The following GNL1 variants were observed in gnomAD, a reference collection of about 807,000 sequenced individuals.
GNL1 encodes guanine nucleotide-binding protein-like 1.
A neutral mutation model predicts 75.2 loss-of-function variants in GNL1; 21 were observed. The observed-to-expected ratio is 0.28, with a 90% CI of 0.20 to 0.40. The LOEUF is 0.40. Among genes scored for constraint, GNL1 ranks in the 10% least tolerant of loss-of-function variants. The pLI, the probability that GNL1 is intolerant of heterozygous loss-of-function variation, is 1.00. For missense variants in GNL1, 579 were observed against 775.0 expected (o/e 0.75, Z 3.00); for synonymous variants, 287 against 303.4 (o/e 0.95, Z 0.56).
chr6:30,550,951 C>CG (rs1339413291), intron 8 of GNL1, among the ~76,000 whole-genome samples: 1 of 152,192 alleles, frequency 6.6e-6, no homozygotes, highest in Non-Finnish European at 1.5e-5. Context: ...CTCAGTCACT[C>CG]TCTATCCCCT....
chr6:30,546,838 T>C lies in GNL1; in HGVS notation c.1442-2A>G. 6.3e-7 allele frequency: 1 copy of C among 1,585,178 alleles called. No homozygotes were observed. Among genetic ancestry groups the C allele is most frequent in the Middle Eastern group, 1.8e-4 (1 of 5,406 alleles). On this transcript the variant is annotated splice_acceptor_variant, in intron 10 of 11. Coordinates refer to ENST00000376621, the MANE Select transcript of GNL1 (RefSeq NM_005275.5). LOFTEE classifies it high-confidence loss of function. The surrounding 1 kb of genome is among the most constrained non-coding windows in gnomAD (Gnocchi z 5.1). ...TGTAACCACGTTTCTCTGCCCAGGC[T>C]GGAGGAAGAAAAGAATAATGGAAAG...
chr6:30,555,288 C>A lies in GNL1; in HGVS notation c.240-97G>T. The A allele has an allele frequency of 6.8e-7, 1 of 1,473,062 alleles. No homozygotes were observed. Among genetic ancestry groups the A allele is most frequent in the Non-Finnish European group, 9.4e-7 (1 of 1,066,708 alleles). 91.2% of individuals were successfully genotyped at this position (1,473,062 alleles called of 1,614,324 possible). ...CAATCAACTTCGCAAACCATTCTCT[C>A]CAGAGTCGTTCAAGTCTCCTCTCTC... On this transcript the variant is annotated intron_variant, in intron 2 of 11. Coordinates refer to ENST00000376621, the MANE Select transcript of GNL1 (RefSeq NM_005275.5). The surrounding 1 kb of genome is among the most constrained non-coding windows in gnomAD (Gnocchi z 4.3).
rs139335715 is a variant in GNL1, at chr6:30,553,391, G to C, written c.767C>G (p.Ser256Cys). Residue 256 changes from serine to cysteine, a missense_variant, in exon 6 of 12, where the codon TCT becomes TGT. Physicochemically the swap from Ser to Cys is moderately radical, Grantham distance 112. Transcript: ENST00000376621. ...TGGGGTGCGGGGGTCCCGAGGAAAA[G>C]AGGTGAAAAGGACGACGTGGAGCTG... Reference protein sequence around the residue: ...YPQLHVVLFTSFPRDPRTPQD... With the variant: ...YPQLHVVLFTCFPRDPRTPQD... 1 of 1,612,716 alleles carries C rather than the reference G, an allele frequency of 6.2e-7. No homozygotes were observed. Among genetic ancestry groups the C allele is most frequent in the Non-Finnish European group, 8.5e-7 (1 of 1,180,024 alleles).
rs769583245 is a variant in GNL1 at position 30,545,313 on chromosome 6, A to C, written c.*759T>G. On this transcript the variant is annotated 3_prime_UTR_variant, in exon 12 of 12. Coordinates refer to ENST00000376621, the MANE Select transcript of GNL1 (RefSeq NM_005275.5). ...TAATTAAAACTACTCGTACACATTT[A>C]ATCAACATTTTCACAAGCGTTTTGC... is the stretch of plus-strand genomic sequence containing the variant. The C allele has an allele frequency of 2.0e-5, 3 of 152,280 alleles. No individual in the cohort carries two copies. 9.4% of individuals were successfully genotyped at this position (152,280 alleles called of 1,614,324 possible). A position where few individuals can be genotyped will look rare whatever the true frequency, so the allele number is the denominator to read the frequency against.
chr6:30,546,341 G>T lies in GNL1; in HGVS notation c.1583-28C>A. The T allele has an allele frequency of 6.8e-7, 1 of 1,480,722 alleles. No homozygotes were observed. Among genetic ancestry groups the T allele is most frequent in the Admixed American group, 1.8e-5 (1 of 54,934 alleles). The allele number at this position is 1,480,722 out of a possible 1,614,324, so 91.7% of individuals were successfully genotyped here. ...GGGGAACCAAAACAAGAAAAAAATG[G>T]AGGAGAGTTTTGAGCAAGAACTAAA... On this transcript the variant is annotated intron_variant, in intron 11 of 11. Transcript: ENST00000376621. This position sits in a 1 kb window ranked among gnomAD's most constrained non-coding sequence, Gnocchi z 5.1.
In GNL1 at chr6:30,556,438, AC is replaced by A. The variant is rs1202555349; in HGVS notation, c.-236del. 1.7e-6 allele frequency: 1 copy of A among 585,002 alleles called. No homozygotes were observed. The highest frequency in any genetic ancestry group is 3.0e-6 in the Non-Finnish European group (1 of 330,332). 36.2% of individuals were successfully genotyped at this position (585,002 alleles called of 1,614,324 possible). On this transcript the variant is annotated 5_prime_UTR_variant, in exon 1 of 12. Coordinates refer to ENST00000376621, the MANE Select transcript of GNL1 (RefSeq NM_005275.5). This position sits in a 1 kb window ranked among gnomAD's most constrained non-coding sequence, Gnocchi z 5.7. ...GCGAGAGGATGATGCGGGGTGGGCT[AC>A]TGGCACGTGAGAGCCAGTGGCACCG...
rs537525876 is a variant in GNL1 at position 30,556,268 on chromosome 6, G to C, written c.-65C>G. The C allele has an allele frequency of 1.3e-6, 2 of 1,563,750 alleles. No individual in the cohort carries two copies. The highest frequency in any genetic ancestry group is 8.6e-7 in the Non-Finnish European group (1 of 1,161,690). ...CCGCCGCCTCAACTGACTGCCCCCC[G>C]GGGCAGCCCCCGCCGCAGGGGCCCG... On this transcript the variant is annotated 5_prime_UTR_variant, in exon 1 of 12. Coordinates refer to ENST00000376621, the MANE Select transcript of GNL1 (RefSeq NM_005275.5). This position sits in a 1 kb window ranked among gnomAD's most constrained non-coding sequence, Gnocchi z 5.7.
rs1799871488 is a variant in GNL1, at chr6:30,552,720, A to C, written c.905-59T>G. On this transcript the variant is annotated intron_variant, in intron 7 of 11. Coordinates refer to ENST00000376621, the MANE Select transcript of GNL1 (RefSeq NM_005275.5). This position sits in a 1 kb window ranked among gnomAD's most constrained non-coding sequence, Gnocchi z 4.5. ...CCCCAGGGCTGCTGTGCATGATGGC[A>C]CATACTGTGCCCTGCACAGATTATG... The C allele has an allele frequency of 2.7e-6, 4 of 1,476,532 alleles. No homozygotes were observed. In the East Asian group the frequency reaches 9.1e-5, roughly 34 times the overall value. The allele number at this position is 1,476,532 out of a possible 1,614,324, so 91.5% of individuals were successfully genotyped here.
At position 30,552,103 on chromosome 6, in the gene GNL1, A is replaced by C; in HGVS notation, c.1099+364T>G. The C allele has an allele frequency of 4.3e-6, 1 of 231,170 alleles. No individual in the cohort carries two copies. Among genetic ancestry groups the C allele is most frequent in the Non-Finnish European group, 8.4e-6 (1 of 118,928 alleles). 14.3% of individuals were successfully genotyped at this position (231,170 alleles called of 1,614,324 possible). A position where few individuals can be genotyped will look rare whatever the true frequency, so the allele number is the denominator to read the frequency against. On this transcript the variant is annotated intron_variant, in intron 8 of 11. Coordinates refer to ENST00000376621, the MANE Select transcript of GNL1 (RefSeq NM_005275.5). This position sits in a 1 kb window ranked among gnomAD's most constrained non-coding sequence, Gnocchi z 4.5. The stretch of plus-strand genomic sequence containing the variant: ...AGTCTTGAGCTCCTGGTCTCAAGCA[A>C]TCCTCCCACCTCAGCCTCCCAAAGC...
chr6:30,543,979 C>A lies in GNL1; in HGVS notation c.*2093G>T, dbSNP rs898406627. On this transcript the variant is annotated 3_prime_UTR_variant, in exon 12 of 12. Coordinates refer to ENST00000376621, the MANE Select transcript of GNL1 (RefSeq NM_005275.5). ...ATTCACATAGTAGACATGACCCAGA[C>A]AAGAGGGTGCGTATTTCAGCGTGGA... The A allele has an allele frequency of 6.6e-6, 1 of 152,256 alleles. No individual in the cohort carries two copies. The highest frequency in any genetic ancestry group is 1.5e-5 in the Non-Finnish European group (1 of 68,086). The allele number at this position is 152,256 out of a possible 1,614,324, so 9.4% of individuals were successfully genotyped here. A position where few individuals can be genotyped will look rare whatever the true frequency, so the allele number is the denominator to read the frequency against.
Position 30,546,347 on chromosome 6 carries a change from AGTTT to A in GNL1, c.1583-38_1583-35del, listed in dbSNP as rs1233008701. 2 of 1,396,544 alleles carry A rather than the reference AGTTT, an allele frequency of 1.4e-6. No homozygotes were observed. Among genetic ancestry groups the A allele is most frequent in the African/African-American group, 2.9e-5 (2 of 70,010 alleles). 86.5% of individuals were successfully genotyped at this position (1,396,544 alleles called of 1,614,324 possible). On this transcript the variant is annotated intron_variant, in intron 11 of 11. Coordinates refer to ENST00000376621, the MANE Select transcript of GNL1 (RefSeq NM_005275.5). This position sits in a 1 kb window ranked among gnomAD's most constrained non-coding sequence, Gnocchi z 5.1. ...CCAAAACAAGAAAAAAATGGAGGAG[AGTTT>A]TGAGCAAGAACTAAAGCCAAGGAAA... is the stretch of plus-strand genomic sequence containing the variant.
At position 30,556,403 on chromosome 6, in the gene GNL1, C is replaced by T. The variant is rs1174442794; in HGVS notation, c.-200G>A. 1.6e-6 allele frequency: 1 copy of T among 613,460 alleles called. No homozygotes were observed. Among genetic ancestry groups the T allele is most frequent in the African/African-American group, 1.9e-5 (1 of 53,688 alleles). The allele number at this position is 613,460 out of a possible 1,614,324, so 38.0% of individuals were successfully genotyped here. A position where few individuals can be genotyped will look rare whatever the true frequency, so the allele number is the denominator to read the frequency against. On this transcript the variant is annotated 5_prime_UTR_variant, in exon 1 of 12. Transcript: ENST00000376621. The surrounding 1 kb of genome is among the most constrained non-coding windows in gnomAD (Gnocchi z 5.7). Reference sequence around the variant, plus strand: ...CGGGGGAGATATAGTCACTTCCCTCCAGGAGCGAGGCGAGAGGATGATGCG... The same window carrying T: ...CGGGGGAGATATAGTCACTTCCCTCTAGGAGCGAGGCGAGAGGATGATGCG...
At position 30,556,320 on chromosome 6, in the gene GNL1, G is replaced by A; in HGVS notation, c.-117C>T. ...GACCCTAGAGGAGGCGGGGCTAGCA[G>A]GTGACGTCAGCGGGCGGGCCCGACA... On this transcript the variant is annotated 5_prime_UTR_variant, in exon 1 of 12. Coordinates refer to ENST00000376621, the MANE Select transcript of GNL1 (RefSeq NM_005275.5). The surrounding 1 kb of genome is among the most constrained non-coding windows in gnomAD (Gnocchi z 5.7). 8.4e-7 allele frequency: 1 copy of A among 1,196,314 alleles called. No homozygotes were observed. The allele number at this position is 1,196,314 out of a possible 1,614,324, so 74.1% of individuals were successfully genotyped here.
At position 30,546,473 on chromosome 6, in the gene GNL1, C is replaced by A. The variant is rs1799460822; in HGVS notation, c.1583-160G>T. 1.5e-6 allele frequency: 1 copy of A among 678,186 alleles called. No individual in the cohort carries two copies. The highest frequency in any genetic ancestry group is 2.6e-6 in the Non-Finnish European group (1 of 390,168). The allele number at this position is 678,186 out of a possible 1,614,324, so 42.0% of individuals were successfully genotyped here. On this transcript the variant is annotated intron_variant, in intron 11 of 11. Transcript: ENST00000376621. This position sits in a 1 kb window ranked among gnomAD's most constrained non-coding sequence, Gnocchi z 5.1. ...CATTCAACTTCCTATGTGCAGATTG[C>A]TGAACAGAACCTTTGTGCACATCAA...
rs922072507 is a variant in GNL1 at position 30,546,351 on chromosome 6, T to C, written c.1583-38A>G. On this transcript the variant is annotated intron_variant, in intron 11 of 11. Transcript: ENST00000376621. The surrounding 1 kb of genome is among the most constrained non-coding windows in gnomAD (Gnocchi z 5.1). The stretch of plus-strand genomic sequence containing the variant: ...AACAAGAAAAAAATGGAGGAGAGTT[T>C]TGAGCAAGAACTAAAGCCAAGGAAA... The C allele has an allele frequency of 7.4e-7, 1 of 1,358,544 alleles. No homozygotes were observed. Among genetic ancestry groups the C allele is most frequent in the Middle Eastern group, 1.8e-4 (1 of 5,576 alleles). The allele number at this position is 1,358,544 out of a possible 1,614,324, so 84.2% of individuals were successfully genotyped here. A position where few individuals can be genotyped will look rare whatever the true frequency, so the allele number is the denominator to read the frequency against.
At chr6:30,553,719 CAG>C (rs1799948467) in intron 5 of GNL1, among the ~76,000 whole-genome samples, 162 bp from the exon 6 acceptor site, 3 of 152,264 alleles carry the variant, frequency 2.0e-5, no homozygotes, top group African/African-American at 4.8e-5. Context: ...AAAGACAAAA[CAG>C]GGGTTAGTAA....
In GNL1 at chr6:30,553,136, G is replaced by A; in HGVS notation, c.852C>T (p.Ala284=). The A allele has an allele frequency of 6.2e-7, 1 of 1,613,882 alleles. No homozygotes were observed. The highest frequency in any genetic ancestry group is 8.5e-7 in the Non-Finnish European group (1 of 1,179,824). The change falls in exon 7 of 12, where the codon GCC becomes GCT. Residue 284 remains alanine, a synonymous_variant. Transcript: ENST00000376621. ...CTCTCAGCAACTGCTCTGGCCCCAG[G>A]GCCCGAGTCCATCCTCTCCCCCGCC... ...SRRRGRGWTR[A]LGPEQLLRAC...
intron 4 of GNL1, 33 bp downstream of exon 4, chr6:30,554,731 T>C: frequency 6.2e-7 from 1 of 1,610,626 alleles, no homozygotes; most frequent in African/African-American, 1.3e-5. Flanking sequence ...TAGGTCACTA[T>C]GCCCCACTCC....
In GNL1 at chr6:30,548,273, T is replaced by C. The variant is rs183339147; in HGVS notation, c.1100-743A>G. On this transcript the variant is annotated intron_variant, in intron 8 of 11. Coordinates refer to ENST00000376621, the MANE Select transcript of GNL1 (RefSeq NM_005275.5). This position sits in a 1 kb window ranked among gnomAD's most constrained non-coding sequence, Gnocchi z 4.2. ...CTGCTCACTCACCACCACCAGTTTT[T>C]GTGTTTCTGGCTGACTTCAGTGCCT... Among the ~76,000 whole-genome samples, 36 of 152,190 alleles carry C rather than the reference T, an allele frequency of 2.4e-4. No homozygotes were observed. The highest frequency in any genetic ancestry group is 1.1e-3 in the Admixed American group (17 of 15,284).
Sources: allele counts gnomAD v4.1 joint callset (sites outside exome capture counted in the v4.1 genomes callset), GRCh38; gene constraint gnomAD v4.1.1; non-coding constraint Gnocchi (gnomAD v3.1); transcripts MANE v1.5; gene names NCBI Gene and HGNC (gene_info 2026-07-23, HGNC 2026-07-21).